The following GOLGA3 variants were observed in gnomAD, a reference collection of about 807,000 sequenced individuals.
The protein encoded by GOLGA3 is golgin A3.
GOLGA3 carries 75 observed loss-of-function variants against 169.4 expected under a neutral mutation model. The observed-to-expected ratio is 0.44, with a 90% confidence interval of 0.37 to 0.54. The LOEUF (loss-of-function observed/expected upper bound fraction) is 0.54, where lower values mean the gene tolerates loss of function less well. Among genes scored for constraint, GOLGA3 ranks in the 20% least tolerant of loss-of-function variants. GOLGA3 has a pLI of 0.00. For missense variants in GOLGA3, 1,899 were observed against 1,930.0 expected (o/e 0.98, Z 0.30); for synonymous variants, 824 against 822.4 (o/e 1.00, Z -0.03).
intron 1 of GOLGA3, among the ~76,000 whole-genome samples, chr12:132,823,258 G>A (rs1004666237): frequency 6.6e-6 from 1 of 152,198 alleles, no homozygotes; most frequent in Non-Finnish European, 1.5e-5. Context: ...CCCAACATTT[G>A]GCAAGTGATT....
chr12:132,795,194 A>AC (rs1566100207), intron 11 of GOLGA3, among the ~76,000 whole-genome samples: 1 of 151,850 alleles, frequency 6.6e-6, no homozygotes, highest in Non-Finnish European at 1.5e-5. Flanking sequence ...TCAAAAAAAA[A>AC]AAAAAAGAAA....
At chr12:132,780,141 T>C (rs1469439554) in intron 18 of GOLGA3, among the ~76,000 whole-genome samples, 5 of 123,250 alleles carry the variant, frequency 4.1e-5, no homozygotes, top group African/African-American at 1.6e-4. Flanking sequence ...CAGGCACACG[T>C]GTGTACAGAC....
rs952666448 is a variant in GOLGA3, at chr12:132,804,672, G to A, written c.1597+44C>T. ...GTCGAGGAAGGAGGAGGGAGCAGCA[G>A]GGACCAGTCAGGGAGGGGAGGGCGT... On this transcript the variant is annotated intron_variant, in intron 7 of 23. Transcript: ENST00000450791. This position sits in a 1 kb window ranked among gnomAD's most constrained non-coding sequence, Gnocchi z 4.1. 4.7e-6 allele frequency: 7 copies of A among 1,501,752 alleles called. No individual in the cohort carries two copies. In the South Asian group the frequency reaches 4.7e-5, roughly 10 times the overall value. The allele number at this position is 1,501,752 out of a possible 1,614,324, so 93.0% of individuals were successfully genotyped here.
chr12:132,779,972 C>T (rs1483109759), intron 18 of GOLGA3, among the ~76,000 whole-genome samples: 11 of 143,180 alleles, frequency 7.7e-5, no homozygotes, highest in East Asian at 4.2e-4. Flanking sequence ...AACCCTTCCA[C>T]GCACAGCCCG....
intron 18 of GOLGA3, among the ~76,000 whole-genome samples, chr12:132,780,094 C>CACA (rs763823092): frequency 1.0e-4 from 13 of 127,488 alleles, no homozygotes; most frequent in Non-Finnish European, 1.9e-4. Context: ...GTGCAGACAT[C>CACA]ACACTTGCAC....
At chr12:132,824,499 A>AATGTTAGTAACTAATGTTAG (rs1156495378) in intron 1 of GOLGA3, among the ~76,000 whole-genome samples, 1 of 152,260 alleles carries the variant, frequency 6.6e-6, no homozygotes, top group African/African-American at 2.4e-5. Context: ...ATTAGTAACT[A>AATGTTAGTAACTAATGTTAG]TAAATCTCGC....
At chr12:132,815,399 C>T (rs1017616813) in intron 3 of GOLGA3, among the ~76,000 whole-genome samples, 1 of 152,186 alleles carries the variant, frequency 6.6e-6, no homozygotes, top group Admixed American at 6.5e-5. Flanking sequence ...CCAGAGCTCA[C>T]ACATCTGTAA....
chr12:132,800,089 C>A (rs1020410307), intron 8 of GOLGA3, among the ~76,000 whole-genome samples: 7 of 152,154 alleles, frequency 4.6e-5, no homozygotes, highest in Non-Finnish European at 1.0e-4. Flanking sequence ...TCTTTAAATA[C>A]CTCATATAAA....
At chr12:132,798,079 C>A (rs1948945071) in intron 9 of GOLGA3, among the ~76,000 whole-genome samples, 1 of 151,710 alleles carries the variant, frequency 6.6e-6, no homozygotes, top group African/African-American at 2.4e-5. Context: ...TGCACTAAGC[C>A]CCCACAGGTG....
At chr12:132,811,482 A>AT (rs966728698) in intron 4 of GOLGA3, among the ~76,000 whole-genome samples, 30 of 149,508 alleles carry the variant, frequency 2.0e-4, no homozygotes, top group Middle Eastern at 3.4e-3. Context: ...TTGCATTTTT[A>AT]TTTTTTTTTT....
intron 13 of GOLGA3, among the ~76,000 whole-genome samples, chr12:132,787,419 G>A (rs1157865659): frequency 6.9e-6 from 1 of 145,028 alleles, no homozygotes; most frequent in Non-Finnish European, 1.5e-5. Flanking sequence ...CCCTCCCCAA[G>A]GCCTAGGACC....
At chr12:132,783,950 CAA>C in intron 16 of GOLGA3, 1 of 1,442,644 alleles carries the variant, frequency 6.9e-7, no homozygotes, top group Non-Finnish European at 9.1e-7. Context: ...ACCATTCCAC[CAA>C]AGAGGCTGTA....
chr12:132,784,005 C>G, intron 16 of GOLGA3, 159 bp downstream of exon 16: 1 of 1,505,420 alleles, frequency 6.6e-7, no homozygotes, highest in Non-Finnish European at 8.9e-7. Flanking sequence ...CCTGCCCCAC[C>G]ACAGAGCCAG....
At chr12:132,821,290 CCAG>C (rs1352312519) in intron 2 of GOLGA3, among the ~76,000 whole-genome samples, 1 of 151,758 alleles carries the variant, frequency 6.6e-6, no homozygotes, top group African/African-American at 2.4e-5. Flanking sequence ...GCCTGTAATC[CCAG>C]CTACTCGGGA....
chr12:132,769,494 A>G lies in GOLGA3; in HGVS notation c.*3611T>C, dbSNP rs1016817402. 1 of 152,320 alleles carries G rather than the reference A, an allele frequency of 6.6e-6. No individual in the cohort carries two copies. The highest frequency in any genetic ancestry group is 6.5e-5 in the Admixed American group (1 of 15,294). The allele number at this position is 152,320 out of a possible 1,614,324, so 9.4% of individuals were successfully genotyped here. On this transcript the variant is annotated 3_prime_UTR_variant, in exon 24 of 24. Transcript: ENST00000450791. ...CCCACCCGAGGAGAGTCCATTTCACATCCTATCAGAAACACTGCCTGATCC... is the reference window on the plus strand; with the variant it reads ...CCCACCCGAGGAGAGTCCATTTCACGTCCTATCAGAAACACTGCCTGATCC...
intron 3 of GOLGA3, among the ~76,000 whole-genome samples, chr12:132,813,878 C>T (rs1949832759): frequency 6.6e-6 from 1 of 152,062 alleles, no homozygotes; most frequent in Non-Finnish European, 1.5e-5. Context: ...GCGCCCGCCA[C>T]CACGCCTGGC....
In GOLGA3 at chr12:132,802,051, CG is replaced by C. The variant is rs937144089; in HGVS notation, c.1598-83del. 6.4e-6 allele frequency: 7 copies of C among 1,093,790 alleles called. No individual in the cohort carries two copies. The African/African-American group carries it at 9.3e-5, about 14-fold the overall frequency. 67.8% of individuals were successfully genotyped at this position (1,093,790 alleles called of 1,614,324 possible). On this transcript the variant is annotated intron_variant, in intron 7 of 23. Transcript: ENST00000450791. ...AGCTCCGCGCGTGCGGGACACAAGG[CG>C]GGACTCTCAGGGGAGACCAAGAATG...
In GOLGA3 at chr12:132,796,702, T is replaced by C; in HGVS notation, c.1939-2A>G. On this transcript the variant is annotated splice_acceptor_variant, in intron 9 of 23. Transcript: ENST00000450791. LOFTEE classifies it high-confidence loss of function. Reference sequence around the variant, plus strand: ...TGCTTCCTGATCCAACATGTCAGCCTGAGCCCAGGAAACTTGTTTTTAAAA... The same window carrying C: ...TGCTTCCTGATCCAACATGTCAGCCCGAGCCCAGGAAACTTGTTTTTAAAA... 1 of 1,613,272 alleles carries C rather than the reference T, an allele frequency of 6.2e-7. No individual in the cohort carries two copies. Among genetic ancestry groups the C allele is most frequent in the Non-Finnish European group, 8.5e-7 (1 of 1,179,778 alleles).
At chr12:132,800,578 GA>G (rs1311652669) in intron 8 of GOLGA3, among the ~76,000 whole-genome samples, 1 of 152,128 alleles carries the variant, frequency 6.6e-6, no homozygotes, top group Non-Finnish European at 1.5e-5. Flanking sequence ...ACATTTGGTG[GA>G]ATTAGTATTT....
Sources: allele counts gnomAD v4.1 joint callset (sites outside exome capture counted in the v4.1 genomes callset), GRCh38; gene constraint gnomAD v4.1.1; non-coding constraint Gnocchi (gnomAD v3.1); transcripts MANE v1.5; gene names NCBI Gene and HGNC (gene_info 2026-07-23, HGNC 2026-07-21).